The following CACNA1E variants were observed in gnomAD, a reference collection of about 807,000 sequenced individuals.
The protein encoded by CACNA1E is calcium voltage-gated channel subunit alpha1 E.
In CACNA1E, 40 loss-of-function variants were observed where a neutral mutation model predicts 259.2. That is an observed-to-expected ratio of 0.15 (90% CI 0.12 to 0.20). CACNA1E has a LOEUF of 0.20. Among genes scored for constraint, CACNA1E ranks in the 10% least tolerant of loss-of-function variants. The pLI is 1.00. For synonymous variants in CACNA1E, 1,104 were observed against 1,138.5 expected (o/e 0.97, Z 0.61); for missense variants, 1,874 against 3,040.1 (o/e 0.62, Z 9.02).
intron 39 of CACNA1E, among the ~76,000 whole-genome samples, chr1:181,783,366 C>T (rs539110341): frequency 1.3e-5 from 2 of 152,290 alleles, no homozygotes; most frequent in African/African-American, 2.4e-5. Context: ...ACTTCCCATC[C>T]CTAACAAAGA....
chr1:181,743,762 T>A (rs1415191444), intron 25 of CACNA1E, among the ~76,000 whole-genome samples: 3 of 152,362 alleles, frequency 2.0e-5, no homozygotes, highest in African/African-American at 7.2e-5. Flanking sequence ...AGCACGTTAC[T>A]TGACTAGCTC....
In CACNA1E at chr1:181,757,931, C is replaced by A; in HGVS notation, c.4330-16C>A. 1 of 1,613,018 alleles carries A rather than the reference C, an allele frequency of 6.2e-7. No individual in the cohort carries two copies. The highest frequency in any genetic ancestry group is 8.5e-7 in the Non-Finnish European group (1 of 1,179,344). On this transcript the variant is annotated splice_polypyrimidine_tract_variant and intron_variant, in intron 30 of 47. Coordinates refer to ENST00000367573, the MANE Select transcript of CACNA1E (RefSeq NM_001205293.3). Reference sequence around the variant, plus strand: ...GGGGATTTGAATTTGTGCTAATAACCATGACTTTCTTGCAGAGGGCGTGCA... The same window carrying A: ...GGGGATTTGAATTTGTGCTAATAACAATGACTTTCTTGCAGAGGGCGTGCA...
rs748648041 is a variant in CACNA1E, at chr1:181,783,807, G to C, written c.5470+23G>C. ...AAGGTAAGCTTAGCTTAGGAAGGGA[G>C]GTGGGAAGGAGGAATTCTGGAACAA... is the stretch of plus-strand genomic sequence containing the variant. On this transcript the variant is annotated intron_variant, in intron 40 of 47. Coordinates refer to ENST00000367573, the MANE Select transcript of CACNA1E (RefSeq NM_001205293.3). 2.6e-5 allele frequency: 38 copies of C among 1,472,900 alleles called. No homozygotes were observed. The Admixed American group carries it at 6.4e-4, about 25-fold the overall frequency. The allele number at this position is 1,472,900 out of a possible 1,614,324, so 91.2% of individuals were successfully genotyped here.
chr1:181,630,053 T>A (rs909303103), intron 6 of CACNA1E, among the ~76,000 whole-genome samples: 3 of 152,046 alleles, frequency 2.0e-5, no homozygotes, highest in African/African-American at 7.3e-5. Context: ...TAAGTTTGAA[T>A]GTGCATGAAG....
chr1:181,586,467 A>G (rs375334513), intron 6 of CACNA1E, among the ~76,000 whole-genome samples: 4 of 152,168 alleles, frequency 2.6e-5, no homozygotes, highest in African/African-American at 9.7e-5. Flanking sequence ...TCTGATGTTA[A>G]GGTGAAGAGG....
At chr1:181,594,819 A>C (rs866915444) in intron 6 of CACNA1E, among the ~76,000 whole-genome samples, 7 of 152,248 alleles carry the variant, frequency 4.6e-5, no homozygotes, top group Middle Eastern at 3.2e-3. Context: ...TACTTAGTGC[A>C]TACAATGGCT....
chr1:181,633,496 T>A (rs970540674), intron 6 of CACNA1E, among the ~76,000 whole-genome samples: 4 of 152,048 alleles, frequency 2.6e-5, no homozygotes, highest in Non-Finnish European at 5.9e-5. Flanking sequence ...CAGACTACAC[T>A]TTTTTATTTT....
At chr1:181,660,433 C>T (rs944486034) in intron 7 of CACNA1E, among the ~76,000 whole-genome samples, 6 of 152,102 alleles carry the variant, frequency 3.9e-5, no homozygotes, top group African/African-American at 1.4e-4. Context: ...AAGGCTAGTC[C>T]CTCCCCAAAG....
intron 1 of CACNA1E, among the ~76,000 whole-genome samples, chr1:181,366,453 T>C (rs1309841319): frequency 6.6e-6 from 1 of 152,110 alleles, no homozygotes; most frequent in Admixed American, 6.6e-5. Flanking sequence ...CTTTGAGGGG[T>C]CCTGTTGTAA....
rs746946402 is a variant in CACNA1E, at chr1:181,651,291, A to G, written c.952-47A>G. ...AGCTGCAAGAATGTAAGCTTTACTT[A>G]TGGAAGATGGCTTTAAGTATTAAGG... is the stretch of plus-strand genomic sequence containing the variant. On this transcript the variant is annotated intron_variant, in intron 6 of 47. Coordinates refer to ENST00000367573, the MANE Select transcript of CACNA1E (RefSeq NM_001205293.3). 9.8e-6 allele frequency: 12 copies of G among 1,230,234 alleles called. No individual in the cohort carries two copies. The South Asian group carries it at 1.2e-4, about 13-fold the overall frequency. 76.2% of individuals were successfully genotyped at this position (1,230,234 alleles called of 1,614,324 possible).
intron 18 of CACNA1E, among the ~76,000 whole-genome samples, chr1:181,730,294 T>G (rs900559943): frequency 1.3e-5 from 2 of 152,226 alleles, no homozygotes; most frequent in African/African-American, 4.8e-5. Flanking sequence ...TGGACTGAGT[T>G]CATCAGGCCA....
At chr1:181,537,858 A>G (rs1304020470) in intron 3 of CACNA1E, among the ~76,000 whole-genome samples, 2 of 152,200 alleles carry the variant, frequency 1.3e-5, no homozygotes, top group Non-Finnish European at 2.9e-5. Context: ...TAAATAATTT[A>G]CCCAGATAAG....
At chr1:181,580,478 A>C (rs1572271705) in intron 5 of CACNA1E, 117 bp from the exon 6 acceptor site, 1 of 939,382 alleles carries the variant, frequency 1.1e-6, no homozygotes, top group Non-Finnish European at 1.7e-6. Context: ...GAGACAAAAA[A>C]GGGCAGGCCT....
intron 6 of CACNA1E, among the ~76,000 whole-genome samples, chr1:181,645,055 A>C (rs949653109): frequency 1.3e-5 from 2 of 152,198 alleles, no homozygotes; most frequent in African/African-American, 4.8e-5. Flanking sequence ...AGAGCCTGCC[A>C]CGTCCTTACT....
chr1:181,412,623 G>T (rs940703355), intron 1 of CACNA1E, among the ~76,000 whole-genome samples: 1 of 152,028 alleles, frequency 6.6e-6, no homozygotes, highest in African/African-American at 2.4e-5. Context: ...CACTTGGGAG[G>T]CAGGGCAGCA....
At chr1:181,399,737 G>A (rs1656956570) in intron 1 of CACNA1E, among the ~76,000 whole-genome samples, 1 of 152,216 alleles carries the variant, frequency 6.6e-6, no homozygotes, top group African/African-American at 2.4e-5. Context: ...TAGATACTAC[G>A]TGCCAGTGAG....
chr1:181,674,142 G>A (rs766369821), intron 7 of CACNA1E, among the ~76,000 whole-genome samples: 45 of 151,230 alleles, frequency 3.0e-4, no homozygotes, highest in Non-Finnish European at 4.1e-4. Context: ...CACCTTGAGA[G>A]GCCAAGGCGG....
chr1:181,637,757 T>C (rs1657372835), intron 6 of CACNA1E, among the ~76,000 whole-genome samples: 2 of 152,106 alleles, frequency 1.3e-5, no homozygotes, highest in Admixed American at 1.3e-4. Flanking sequence ...TGGAATTCAG[T>C]GTAGGGCATA....
Position 181,726,160 on chromosome 1 carries a change from C to G in CACNA1E, c.2238C>G (p.Ile746Met), listed in dbSNP as rs201629878. The change falls in exon 18 of 48, where the codon ATC becomes ATG. Residue 746 changes from isoleucine to methionine, a missense_variant and splice_region_variant. By Grantham distance (10) the Ile-to-Met change is conservative. Coordinates refer to ENST00000367573, the MANE Select transcript of CACNA1E (RefSeq NM_001205293.3). Reference protein sequence around the residue: ...SPMSAPNMPSIERDRRRRHHM... With the variant: ...SPMSAPNMPSMERDRRRRHHM... ...TGTCTGCACCCAACATGCCTTCGAT[C>G]GAGTGAGTCAGCTGCCCCCTTCACT... 6.2e-7 allele frequency: 1 copy of G among 1,608,676 alleles called. No homozygotes were observed. The highest frequency in any genetic ancestry group is 2.2e-5 in the East Asian group (1 of 44,722).
Sources: allele counts gnomAD v4.1 joint callset (sites outside exome capture counted in the v4.1 genomes callset), GRCh38; gene constraint gnomAD v4.1.1; transcripts MANE v1.5; gene names NCBI Gene and HGNC (gene_info 2026-07-23, HGNC 2026-07-21).